The following FOXN2 variants were observed in gnomAD, a reference collection of about 807,000 sequenced individuals.
FOXN2 encodes the protein forkhead box protein N2.
A neutral mutation model predicts 41.2 loss-of-function variants in FOXN2; 19 were observed. The observed-to-expected ratio is 0.46, with a 90% CI of 0.32 to 0.68. The LOEUF is 0.68. FOXN2 is among the 30% of genes least tolerant of loss of function. FOXN2 has a pLI of 0.03. For missense variants in FOXN2, 587 were observed against 509.4 expected (o/e 1.15, Z -1.47); for synonymous variants, 195 against 176.8 (o/e 1.10, Z -0.82).
At chr2:48,329,896 T>C (rs1669924124) in intron 2 of FOXN2, among the ~76,000 whole-genome samples, 4 of 152,064 alleles carry the variant, frequency 2.6e-5, no homozygotes, top group Admixed American at 2.6e-4. Context: ...TTATAGAATA[T>C]CTTTAAAGCT....
chr2:48,357,210 C>G (rs1671850949), intron 3 of FOXN2, among the ~76,000 whole-genome samples: 1 of 152,152 alleles, frequency 6.6e-6, no homozygotes, highest in Non-Finnish European at 1.5e-5. Flanking sequence ...CTTAACTGCC[C>G]TGAAACTGCA....
intron 3 of FOXN2, among the ~76,000 whole-genome samples, chr2:48,356,311 C>T (rs1341485294): frequency 6.6e-6 from 1 of 151,764 alleles, no homozygotes; most frequent in Non-Finnish European, 1.5e-5. Flanking sequence ...CATGGTGGTG[C>T]ACACCTGTAA....
intron 5 of FOXN2, among the ~76,000 whole-genome samples, chr2:48,368,403 G>A (rs995196290): frequency 3.3e-5 from 5 of 152,208 alleles, no homozygotes; most frequent in Admixed American, 2.0e-4. Context: ...GGCTGAACGC[G>A]GTGGTTCATG....
Position 48,346,327 on chromosome 2 carries a change from A to G in FOXN2, c.113A>G (p.Asp38Gly). 6.2e-7 allele frequency: 1 copy of G among 1,614,214 alleles called. No individual in the cohort carries two copies. The highest frequency in any genetic ancestry group is 2.2e-5 in the East Asian group (1 of 44,886). The change falls in exon 3 of 7, where the codon GAT becomes GGT. Residue 38 changes from aspartate (D) to glycine (G), a missense_variant. Physicochemically the swap from Asp to Gly is moderately conservative, Grantham distance 94. Transcript: ENST00000340553. ...YKMGSLPEAV[D>G]AARPKATLVD... is the part of the protein sequence containing the mutation. The stretch of plus-strand genomic sequence containing the variant: ...ATGGGAAGCTTGCCTGAAGCTGTTG[A>G]TGCTGCCAGGCCGAAGGCCACTCTA...
intron 5 of FOXN2, among the ~76,000 whole-genome samples, chr2:48,371,294 A>G (rs1407144651): frequency 1.3e-5 from 2 of 152,096 alleles, no homozygotes; most frequent in Admixed American, 6.6e-5. Context: ...GCTGTTCAGG[A>G]GACTGAGCAC....
At chr2:48,372,938 G>A (rs914162040) in intron 5 of FOXN2, among the ~76,000 whole-genome samples, 3 of 149,010 alleles carry the variant, frequency 2.0e-5, no homozygotes, top group African/African-American at 7.5e-5. Context: ...AAAAAAAAAG[G>A]AGTAACGATG....
At chr2:48,369,961 C>G (rs958825034) in intron 5 of FOXN2, among the ~76,000 whole-genome samples, 1 of 151,440 alleles carries the variant, frequency 6.6e-6, no homozygotes, top group African/African-American at 2.4e-5. Flanking sequence ...AATTGTGTCA[C>G]TACACTCCAG....
chr2:48,341,241 T>C (rs1670746662), intron 2 of FOXN2, among the ~76,000 whole-genome samples: 1 of 152,158 alleles, frequency 6.6e-6, no homozygotes, highest in South Asian at 2.1e-4. Flanking sequence ...ATTAATGCTG[T>C]GCTAGTGAAT....
chr2:48,330,719 A>T (rs1301839812), intron 2 of FOXN2, among the ~76,000 whole-genome samples: 1 of 152,118 alleles, frequency 6.6e-6, no homozygotes, highest in East Asian at 1.9e-4. Flanking sequence ...GTTTCCAAAT[A>T]TCTTAAGACC....
Position 48,346,372 on chromosome 2 carries a change from A to T in FOXN2, c.158A>T (p.Asp53Val). Residue 53 changes from aspartate (D) to valine (V), a missense_variant, in exon 3 of 7, where the codon GAT (aspartate) becomes GTT (valine). Transcript: ENST00000340553. ...ACTCTAGTGGACAGTGAGTCAGCAGATGATGAACTCACAAACTTGAACTGG... is the reference window on the plus strand; with the variant it reads ...ACTCTAGTGGACAGTGAGTCAGCAGTTGATGAACTCACAAACTTGAACTGG... ...KATLVDSESA[D>V]DELTNLNWLH... is the part of the protein sequence containing the mutation. 6.2e-7 allele frequency: 1 copy of T among 1,614,212 alleles called. No homozygotes were observed. Among genetic ancestry groups the T allele is most frequent in the Non-Finnish European group, 8.5e-7 (1 of 1,180,038 alleles).
chr2:48,321,416 G>A (rs1287332091), intron 1 of FOXN2, among the ~76,000 whole-genome samples: 1 of 152,056 alleles, frequency 6.6e-6, no homozygotes, highest in Non-Finnish European at 1.5e-5. Context: ...AGTGCCTGTA[G>A]TCCCAGCTAC....
At chr2:48,330,742 TTAGAGA>T (rs1173687921) in intron 2 of FOXN2, among the ~76,000 whole-genome samples, 3 of 150,348 alleles carry the variant, frequency 2.0e-5, no homozygotes, top group Admixed American at 6.6e-5. Flanking sequence ...CTAAAAAGAA[TTAGAGA>T]TAGTAAACTT....
At chr2:48,334,063 T>G (rs2104257925) in intron 2 of FOXN2, among the ~76,000 whole-genome samples, 1 of 152,090 alleles carries the variant, frequency 6.6e-6, no homozygotes, top group African/African-American at 2.4e-5. Flanking sequence ...TTTTGGTAAC[T>G]TAAATATAGC....
chr2:48,355,992 A>G (rs2104435594), intron 3 of FOXN2, among the ~76,000 whole-genome samples: 1 of 152,246 alleles, frequency 6.6e-6, no homozygotes, highest in African/African-American at 2.4e-5. Flanking sequence ...GCACAGTGGC[A>G]CTTACACCTG....
Position 48,357,377 on chromosome 2 carries a change from A to G in FOXN2, c.538-1670A>G, listed in dbSNP as rs1572755426. Reference sequence around the variant, plus strand: ...AATCTCAGGAATTCCAAGGTAGAGCATGGCTAGCATTATTAAAATAATTGT... The same window carrying G: ...AATCTCAGGAATTCCAAGGTAGAGCGTGGCTAGCATTATTAAAATAATTGT... On this transcript the variant is annotated intron_variant, in intron 3 of 6. Transcript: ENST00000340553. Among the ~76,000 whole-genome samples, 3 of 152,234 alleles carry G rather than the reference A, an allele frequency of 2.0e-5. No individual in the cohort carries two copies. In the South Asian group the frequency reaches 6.2e-4, roughly 32 times the overall value.
At chr2:48,327,620 T>C (rs1669763309) in intron 1 of FOXN2, among the ~76,000 whole-genome samples, 1 of 152,164 alleles carries the variant, frequency 6.6e-6, no homozygotes, top group Admixed American at 6.5e-5. Context: ...TAATTTTGTA[T>C]TTTTAGTAGA....
At chr2:48,337,885 A>G (rs1670471684) in intron 2 of FOXN2, among the ~76,000 whole-genome samples, 1 of 152,218 alleles carries the variant, frequency 6.6e-6, no homozygotes, top group Non-Finnish European at 1.5e-5. Flanking sequence ...GTATAGCAGG[A>G]GATTGTAATA....
At chr2:48,329,354 A>G (rs1669883844) in intron 2 of FOXN2, among the ~76,000 whole-genome samples, 1 of 152,122 alleles carries the variant, frequency 6.6e-6, no homozygotes, top group Non-Finnish European at 1.5e-5. Flanking sequence ...GTTGCCACAC[A>G]TATTTTTTTT....
At position 48,357,505 on chromosome 2, in the gene FOXN2, T is replaced by TG. The variant is rs1426617626; in HGVS notation, c.538-1542_538-1541insG. On this transcript the variant is annotated intron_variant, in intron 3 of 6. Coordinates refer to ENST00000340553, the MANE Select transcript of FOXN2 (RefSeq NM_002158.4). ...TAGGTGCTAACATTTTAATTCTTCC[T>TG]TTTTTTTTTTTTGAGACAGCGTTTC... Among the ~76,000 whole-genome samples, 10 of 122,162 alleles carry TG rather than the reference T, an allele frequency of 8.2e-5. No individual in the cohort carries two copies. In the South Asian group the frequency reaches 2.2e-3, roughly 27 times the overall value. 80.1% of individuals were successfully genotyped at this position (122,162 alleles called of 152,430 possible). A position where few individuals can be genotyped will look rare whatever the true frequency, so the allele number is the denominator to read the frequency against.
Sources: gnomAD v4.1 joint callset for allele counts (sites outside exome capture counted in the v4.1 genomes callset) on GRCh38, gnomAD v4.1.1 for gene constraint, MANE v1.5 for transcripts, NCBI Gene and HGNC (gene_info 2026-07-23, HGNC 2026-07-21) for gene names.